Variants in RCAN2 observed in about 807,000 individuals in gnomAD.
RCAN2 encodes regulator of calcineurin 2.
A neutral mutation model predicts 23.6 loss-of-function variants in RCAN2; 9 were observed. The ratio of observed to expected loss-of-function variants is 0.38; its 90% CI spans 0.23 to 0.67. The LOEUF is 0.67. RCAN2 is among the 30% of genes least tolerant of loss of function. RCAN2 has a pLI of 0.51. For synonymous variants in RCAN2, 109 were observed against 115.7 expected (o/e 0.94, Z 0.37); for missense variants, 273 against 302.3 (o/e 0.90, Z 0.72).
At chr6:46,240,161 G>A (rs934614019) in intron 4 of RCAN2, among the ~76,000 whole-genome samples, 1 of 152,104 alleles carries the variant, frequency 6.6e-6, no homozygotes, top group African/African-American at 2.4e-5. Flanking sequence ...CATATTAGGG[G>A]CCCAGCCTCC....
At chr6:46,325,998 G>C (rs972159154) in intron 2 of RCAN2, 1 of 508,384 alleles carries the variant, frequency 2.0e-6, no homozygotes, top group South Asian at 8.4e-5. Flanking sequence ...TTCTGCCTTC[G>C]AGATGAGCAG....
At chr6:46,369,243 CA>C (rs1329064879) in intron 2 of RCAN2, among the ~76,000 whole-genome samples, 2 of 152,080 alleles carry the variant, frequency 1.3e-5, no homozygotes, top group African/African-American at 4.8e-5. Flanking sequence ...CCTATAATGA[CA>C]ATGCCTTCTG....
chr6:46,406,140 G>A (rs1023305215), intron 2 of RCAN2, among the ~76,000 whole-genome samples: 6 of 152,252 alleles, frequency 3.9e-5, no homozygotes, highest in Admixed American at 2.6e-4. Flanking sequence ...TCCTGCTCGC[G>A]CCTCTCCCTC....
chr6:46,240,328 G>A (rs1234081244), intron 4 of RCAN2, among the ~76,000 whole-genome samples: 1 of 151,792 alleles, frequency 6.6e-6, no homozygotes, highest in African/African-American at 2.4e-5. Context: ...TATGTCTTCT[G>A]TTTTTCTACA....
chr6:46,487,263 A>G (rs1218696694), intron 1 of RCAN2, among the ~76,000 whole-genome samples: 1 of 152,226 alleles, frequency 6.6e-6, no homozygotes, highest in Non-Finnish European at 1.5e-5. Flanking sequence ...ACGCTTCTTT[A>G]TCTCTAAGAA....
chr6:46,231,599 G>A (rs1389182571), intron 4 of RCAN2, among the ~76,000 whole-genome samples: 2 of 151,944 alleles, frequency 1.3e-5, no homozygotes, highest in Non-Finnish European at 1.5e-5. Flanking sequence ...TAGTAGAGAC[G>A]GAGTTTCACC....
chr6:46,353,200 C>T lies in RCAN2; in HGVS notation c.225+103552G>A, dbSNP rs367925330. 6.6e-5 allele frequency among the ~76,000 whole-genome samples: 10 copies of T among 152,302 alleles called. No homozygotes were observed. The East Asian group carries it at 1.4e-3, about 21-fold the overall frequency. ...TGCCAAAGTTCATCTCCAGCTCAGG[C>T]ATCTCTGGATCCAACCAGTTTTTGT... On this transcript the variant is annotated intron_variant, in intron 2 of 4. Transcript: ENST00000371374.
At chr6:46,418,949 G>A (rs577971488) in intron 2 of RCAN2, among the ~76,000 whole-genome samples, 132 of 151,702 alleles carry the variant, frequency 8.7e-4, no homozygotes, top group African/African-American at 3.0e-3. Context: ...TTAGCTGGGC[G>A]TGGCGGCACA....
intron 2 of RCAN2, among the ~76,000 whole-genome samples, chr6:46,284,847 C>G (rs1762319367): frequency 6.6e-6 from 1 of 152,196 alleles, no homozygotes; most frequent in African/African-American, 2.4e-5. Context: ...CTGCAATCTT[C>G]ATGAATTATG....
intron 2 of RCAN2, among the ~76,000 whole-genome samples, chr6:46,422,380 A>G (rs1458094714): frequency 6.6e-6 from 1 of 152,174 alleles, no homozygotes; most frequent in Non-Finnish European, 1.5e-5. Flanking sequence ...GCAGAACAAC[A>G]AATAAACCTC....
At chr6:46,302,972 G>T (rs1466502362) in intron 2 of RCAN2, among the ~76,000 whole-genome samples, 1 of 151,996 alleles carries the variant, frequency 6.6e-6, no homozygotes, top group Non-Finnish European at 1.5e-5. Flanking sequence ...AAGAGCCTCA[G>T]TCAACCACTG....
chr6:46,337,639 G>C (rs138941862), intron 2 of RCAN2, among the ~76,000 whole-genome samples: 2 of 152,172 alleles, frequency 1.3e-5, no homozygotes, highest in South Asian at 4.1e-4. Context: ...ACCTTTCATC[G>C]TAACTTTAGT....
chr6:46,356,301 G>T (rs971532550), intron 2 of RCAN2, among the ~76,000 whole-genome samples: 1 of 152,302 alleles, frequency 6.6e-6, no homozygotes. Context: ...CAAGTCTGGG[G>T]TCAGTGATGG....
chr6:46,386,594 G>A (rs1227179021), intron 2 of RCAN2, among the ~76,000 whole-genome samples: 1 of 104,296 alleles, frequency 9.6e-6, no homozygotes, highest in Non-Finnish European at 1.9e-5. Flanking sequence ...GGTGACAAGA[G>A]CAAAACTCTG....
intron 2 of RCAN2, among the ~76,000 whole-genome samples, chr6:46,333,001 C>T (rs1215870639): frequency 1.3e-5 from 2 of 152,214 alleles, no homozygotes; most frequent in Non-Finnish European, 2.9e-5. Flanking sequence ...GATTGCCATT[C>T]TAACTGGTGT....
intron 2 of RCAN2, among the ~76,000 whole-genome samples, chr6:46,281,460 G>A (rs1024122647): frequency 6.6e-6 from 1 of 152,156 alleles, no homozygotes; most frequent in African/African-American, 2.4e-5. Context: ...TTCAAAAAGT[G>A]TATTCAAACA....
intron 2 of RCAN2, among the ~76,000 whole-genome samples, chr6:46,331,924 G>T (rs1476146308): frequency 6.6e-6 from 1 of 152,140 alleles, no homozygotes; most frequent in African/African-American, 2.4e-5. Flanking sequence ...TTGGCTAGTT[G>T]CCTTATCCCA....
At chr6:46,355,248 C>T (rs1764792101) in intron 2 of RCAN2, among the ~76,000 whole-genome samples, 1 of 152,046 alleles carries the variant, frequency 6.6e-6, no homozygotes, top group South Asian at 2.1e-4. Flanking sequence ...GATCACAGGC[C>T]ACTTTGTGAA....
chr6:46,487,971 A>G (rs1022933240), intron 1 of RCAN2, among the ~76,000 whole-genome samples: 4 of 152,222 alleles, frequency 2.6e-5, no homozygotes, highest in African/African-American at 9.7e-5. Context: ...CTCTTGTTCC[A>G]TGAATATACA....
Sources: allele counts gnomAD v4.1 joint callset (sites outside exome capture counted in the v4.1 genomes callset), GRCh38; gene constraint gnomAD v4.1.1; transcripts MANE v1.5; gene names NCBI Gene and HGNC (gene_info 2026-07-23, HGNC 2026-07-21).